RCBTB2: variants seen among roughly 807,000 people sequenced by gnomAD.
RCBTB2 encodes the protein RCC1 and BTB domain containing protein 2, also known as RCC1 and BTB domain-containing protein 2.
Under a neutral mutation model 65.4 loss-of-function variants are expected in RCBTB2, and 55 were observed. The ratio of observed to expected loss-of-function variants is 0.84; its 90% CI spans 0.68 to 1.05. RCBTB2 has a LOEUF of 1.05. RCBTB2 is among the 50% of genes least tolerant of loss of function. RCBTB2 has a pLI of 0.00. For synonymous variants in RCBTB2, 220 were observed against 255.2 expected (o/e 0.86, Z 1.31); for missense variants, 599 against 680.1 (o/e 0.88, Z 1.33).
intron 1 of RCBTB2, among the ~76,000 whole-genome samples, chr13:48,530,310 T>C (rs1952040479): frequency 6.6e-6 from 1 of 152,246 alleles, no homozygotes; most frequent in Non-Finnish European, 1.5e-5. Flanking sequence ...GACAATTTCA[T>C]AGGGCATAAG....
At chr13:48,502,613 G>A in intron 11 of RCBTB2, 111 bp downstream of exon 11, 1 of 1,083,796 alleles carries the variant, frequency 9.2e-7, no homozygotes. Flanking sequence ...GCCCATCAGA[G>A]AGAAATAAAT....
chr13:48,491,915 G>A (rs1226728152), intron 14 of RCBTB2, among the ~76,000 whole-genome samples: 3 of 152,094 alleles, frequency 2.0e-5, no homozygotes, highest in African/African-American at 7.2e-5. Context: ...TGGTTATAGG[G>A]GAATTCTGTC....
intron 2 of RCBTB2, among the ~76,000 whole-genome samples, chr13:48,523,969 T>G (rs889637778): frequency 2.0e-5 from 3 of 152,164 alleles, no homozygotes; most frequent in Non-Finnish European, 4.4e-5. Flanking sequence ...GGATTCAAAT[T>G]GAATGAAATG....
chr13:48,516,264 A>G (rs192491996), intron 4 of RCBTB2, among the ~76,000 whole-genome samples: 61 of 152,344 alleles, frequency 4.0e-4, no homozygotes, highest in Admixed American at 1.2e-3. Context: ...GGGTTTCCTC[A>G]TCCCTCAAGG....
chr13:48,527,561 C>T (rs918617305), intron 1 of RCBTB2, among the ~76,000 whole-genome samples: 4 of 151,878 alleles, frequency 2.6e-5, no homozygotes, highest in Non-Finnish European at 5.9e-5. Flanking sequence ...GAAGTTCCTG[C>T]CACTGATCTC....
chr13:48,516,516 T>C (rs7984309), intron 4 of RCBTB2, among the ~76,000 whole-genome samples: 5,713 of 152,280 alleles, frequency 0.038, 346 homozygotes, highest in African/African-American at 0.13. Context: ...TCTCCCTATG[T>C]CTGTTCACAT....
At chr13:48,494,187 G>C (rs117118911) in intron 14 of RCBTB2, among the ~76,000 whole-genome samples, 2 of 152,274 alleles carry the variant, frequency 1.3e-5, no homozygotes, top group Non-Finnish European at 2.9e-5. Context: ...AACATGAACT[G>C]TGCTTAGAAT....
intron 13 of RCBTB2, among the ~76,000 whole-genome samples, chr13:48,499,128 ACACACACACACACACTCTCT>A (rs1281426491): frequency 6.8e-6 from 1 of 147,372 alleles, no homozygotes; most frequent in African/African-American, 2.6e-5. Context: ...ACACACACAC[ACACACACACACACACTCTCT>A]CTCTCTCTCT....
In RCBTB2 at chr13:48,490,166, T is replaced by C; in HGVS notation, c.1601A>G (p.Asp534Gly). Residue 534 changes from aspartate to glycine, a missense_variant, in exon 15 of 15, where the codon GAT (aspartate) becomes GGT (glycine). Asp to Gly is a moderately conservative substitution (Grantham distance 94). Coordinates refer to ENST00000344532, the MANE Select transcript of RCBTB2 (RefSeq NM_001268.4). ...TTTGCTGATAAAGTTCTTCAGGAGATCATGGTCCATTTCTGCAAAACCTGA... is the reference window on the plus strand; with the variant it reads ...TTTGCTGATAAAGTTCTTCAGGAGACCATGGTCCATTTCTGCAAAACCTGA... The part of the protein sequence containing the change: ...QTSGFAEMDH[D>G]LLKNFISKAS... The C allele has an allele frequency of 6.2e-7, 1 of 1,614,146 alleles. No individual in the cohort carries two copies. Among genetic ancestry groups the C allele is most frequent in the Non-Finnish European group, 8.5e-7 (1 of 1,179,964 alleles).
chr13:48,513,129 A>G (rs1308454264), intron 6 of RCBTB2, among the ~76,000 whole-genome samples: 1 of 152,232 alleles, frequency 6.6e-6, no homozygotes, highest in Non-Finnish European at 1.5e-5. Context: ...ATAACTGGAA[A>G]ATAAGTTTTT....
intron 10 of RCBTB2, among the ~76,000 whole-genome samples, chr13:48,505,148 G>A (rs1593659558): frequency 6.6e-6 from 1 of 151,320 alleles, no homozygotes; most frequent in Middle Eastern, 3.2e-3. Flanking sequence ...GCACTAGGCT[G>A]CGTGACTAGG....
intron 8 of RCBTB2, 30 bp from the exon 9 acceptor site, chr13:48,511,907 C>T (rs1566297273): frequency 3.7e-6 from 6 of 1,612,826 alleles, no homozygotes; most frequent in Non-Finnish European, 5.1e-6. Flanking sequence ...TCAATCCTCT[C>T]AAGAGACAAA....
chr13:48,493,289 CCACA>C lies in RCBTB2; in HGVS notation c.1515+2898_1515+2901del, dbSNP rs1237098435. Among the ~76,000 whole-genome samples, 171 of 102,248 alleles carry C rather than the reference CCACA, an allele frequency of 1.7e-3. 3 individuals carry two copies. Among genetic ancestry groups the C allele is most frequent in the East Asian group, 3.8e-3 (13 of 3,434 alleles). 67.1% of individuals were successfully genotyped at this position (102,248 alleles called of 152,430 possible). A position where few individuals can be genotyped will look rare whatever the true frequency, so the allele number is the denominator to read the frequency against. On this transcript the variant is annotated intron_variant, in intron 14 of 14. Coordinates refer to ENST00000344532, the MANE Select transcript of RCBTB2 (RefSeq NM_001268.4). The stretch of plus-strand genomic sequence containing the variant: ...TCTCTCTCTCACCCTCTCTCTCTCT[CCACA>C]CACACACACACACACACACACACTC...
At chr13:48,505,050 CTTT>C (rs533831016) in intron 10 of RCBTB2, among the ~76,000 whole-genome samples, 9 of 138,346 alleles carry the variant, frequency 6.5e-5, no homozygotes, top group Non-Finnish European at 9.3e-5. Flanking sequence ...TTATTTCTTT[CTTT>C]TTTTTTTTTT....
At chr13:48,500,615 C>G (rs1267843105) in intron 12 of RCBTB2, among the ~76,000 whole-genome samples, 1 of 152,112 alleles carries the variant, frequency 6.6e-6, no homozygotes, top group African/African-American at 2.4e-5. Context: ...GGGAGAATGC[C>G]ACATGCTGAC....
upstream of RCBTB2, chr13:48,533,097 C>G (rs968348840): frequency 2.2e-6 from 1 of 444,990 alleles, no homozygotes; most frequent in South Asian, 1.6e-5. Flanking sequence ...AGGGGCCCGG[C>G]GCCGCGATGA....
intron 4 of RCBTB2, among the ~76,000 whole-genome samples, chr13:48,519,115 G>A (rs1951271244): frequency 6.6e-6 from 1 of 152,206 alleles, no homozygotes; most frequent in African/African-American, 2.4e-5. Flanking sequence ...TAGCTTCTCA[G>A]TGGATGAGCC....
chr13:48,494,873 T>C (rs1340817616), intron 14 of RCBTB2, among the ~76,000 whole-genome samples: 2 of 152,156 alleles, frequency 1.3e-5, no homozygotes, highest in Non-Finnish European at 2.9e-5. Context: ...ACTTTTTTTT[T>C]AATGTTAAGT....
At position 48,521,947 on chromosome 13, in the gene RCBTB2, C is replaced by T; in HGVS notation, c.-8G>A. 6.2e-7 allele frequency: 1 copy of T among 1,613,512 alleles called. No homozygotes were observed. On this transcript the variant is annotated 5_prime_UTR_variant, in exon 4 of 15. Transcript: ENST00000344532. ...AGGAAGTTCTTCTTCCATATGGACT[C>T]AGTCCTGGGCAGTCCCTGAGGAAAA... is the stretch of plus-strand genomic sequence containing the variant.
Sources: gnomAD v4.1 joint callset for allele counts (sites outside exome capture counted in the v4.1 genomes callset) on GRCh38, gnomAD v4.1.1 for gene constraint, MANE v1.5 for transcripts, NCBI Gene and HGNC (gene_info 2026-07-23, HGNC 2026-07-21) for gene names.